PTPRD: variants seen among roughly 807,000 people sequenced by gnomAD.
PTPRD encodes receptor-type tyrosine-protein phosphatase delta.
A neutral mutation model predicts 214.5 loss-of-function variants in PTPRD; 34 were observed. The ratio of observed to expected loss-of-function variants is 0.16; its 90% CI spans 0.12 to 0.21. The LOEUF (loss-of-function observed/expected upper bound fraction) is 0.21, where lower values mean the gene tolerates loss of function less well. Ranked by LOEUF, PTPRD falls within the 10% of genes least tolerant of loss-of-function variation. The pLI, the probability that PTPRD is intolerant of heterozygous loss-of-function variation, is 1.00. For missense variants in PTPRD, 2,545 were observed against 2,398.7 expected (o/e 1.06, Z -1.27); for synonymous variants, 1,128 against 845.7 (o/e 1.33, Z -5.79).
intron 8 of PTPRD, among the ~76,000 whole-genome samples, chr9:9,570,137 G>A (rs2085915973): frequency 6.6e-6 from 1 of 151,464 alleles, no homozygotes; most frequent in African/African-American, 2.4e-5. Flanking sequence ...TGCATGCAGT[G>A]ATCTCAAATT....
intron 8 of PTPRD, among the ~76,000 whole-genome samples, chr9:9,541,477 C>G (rs1381504622): frequency 6.6e-6 from 1 of 151,808 alleles, no homozygotes; most frequent in Non-Finnish European, 1.5e-5. Context: ...CAACAAATAT[C>G]ATGTAGAGCA....
intron 14 of PTPRD, among the ~76,000 whole-genome samples, chr9:8,616,161 A>G (rs1450467460): frequency 1.3e-5 from 2 of 152,124 alleles, no homozygotes; most frequent in Non-Finnish European, 2.9e-5. Flanking sequence ...TCATATCCTG[A>G]CTTTCTAACC....
chr9:10,529,834 C>T (rs1485817790), intron 2 of PTPRD, among the ~76,000 whole-genome samples: 1 of 151,676 alleles, frequency 6.6e-6, no homozygotes, highest in African/African-American at 2.4e-5. Flanking sequence ...TGTTCTCACT[C>T]ATAAGTGGGA....
intron 4 of PTPRD, among the ~76,000 whole-genome samples, chr9:10,013,348 T>C (rs1019193110): frequency 1.3e-5 from 2 of 151,986 alleles, no homozygotes; most frequent in African/African-American, 4.8e-5. Flanking sequence ...TATTCAAATG[T>C]AAATTTAAGT....
intron 5 of PTPRD, among the ~76,000 whole-genome samples, chr9:9,837,866 C>G (rs1452524094): frequency 6.6e-6 from 1 of 152,126 alleles, no homozygotes; most frequent in Non-Finnish European, 1.5e-5. Context: ...GCGCTGCACC[C>G]ATTAACTCGT....
intron 2 of PTPRD, among the ~76,000 whole-genome samples, chr9:10,561,944 A>G (rs147324467): frequency 6.2e-4 from 94 of 152,294 alleles, no homozygotes; most frequent in African/African-American, 2.1e-3. Flanking sequence ...AATGCCACAG[A>G]ATGCCTTTAA....
intron 7 of PTPRD, among the ~76,000 whole-genome samples, chr9:9,656,316 C>A (rs906894626): frequency 6.6e-6 from 1 of 152,102 alleles, no homozygotes; most frequent in Non-Finnish European, 1.5e-5. Context: ...TACACAGATG[C>A]TTAGGGGAGC....
chr9:10,135,816 A>G (rs2098938570), intron 3 of PTPRD, among the ~76,000 whole-genome samples: 1 of 152,004 alleles, frequency 6.6e-6, no homozygotes, highest in South Asian at 2.1e-4. Flanking sequence ...AAGCAACTAC[A>G]CAATTAAGTC....
chr9:9,075,963 C>G (rs1048078013), intron 10 of PTPRD, among the ~76,000 whole-genome samples: 6 of 152,268 alleles, frequency 3.9e-5, no homozygotes, highest in African/African-American at 1.4e-4. Context: ...ATGTCTAGTT[C>G]TAGATCCTAG....
intron 11 of PTPRD, among the ~76,000 whole-genome samples, chr9:8,940,446 C>CTTTTTTT (rs34288443): frequency 4.1e-4 from 39 of 95,010 alleles, no homozygotes; most frequent in Admixed American, 6.7e-4. Context: ...CCACTCCCAG[C>CTTTTTTT]TTTTTTTTTT....
At chr9:10,481,057 C>G (rs2099094361) in intron 2 of PTPRD, among the ~76,000 whole-genome samples, 2 of 149,180 alleles carry the variant, frequency 1.3e-5, no homozygotes, top group South Asian at 4.2e-4. Context: ...TTAAACAGTT[C>G]TGTTTGTTAT....
intron 9 of PTPRD, among the ~76,000 whole-genome samples, chr9:9,190,202 G>C (rs771312669): frequency 1.3e-5 from 2 of 152,150 alleles, no homozygotes; most frequent in Non-Finnish European, 2.9e-5. Context: ...AATTGTGGGA[G>C]TTGGTTAGTT....
chr9:10,580,936 T>C (rs774838391), intron 2 of PTPRD, among the ~76,000 whole-genome samples: 3 of 152,168 alleles, frequency 2.0e-5, no homozygotes, highest in Admixed American at 6.5e-5. Flanking sequence ...TCCTCAAATA[T>C]AGGAAATGTT....
chr9:9,991,862 ACACACAC>A (rs2095944247), intron 4 of PTPRD, among the ~76,000 whole-genome samples: 1 of 148,056 alleles, frequency 6.8e-6, no homozygotes. Flanking sequence ...ACACACACAC[ACACACAC>A]GAGTTCCAAA....
intron 9 of PTPRD, among the ~76,000 whole-genome samples, chr9:9,314,008 G>C (rs1277030369): frequency 6.6e-6 from 1 of 152,082 alleles, no homozygotes; most frequent in Non-Finnish European, 1.5e-5. Flanking sequence ...AGTTAAATGA[G>C]CAAAGAAGCT....
At chr9:9,119,307 AACAAAAAAATGAGCCTTCCTTCCAATGTC>A (rs2099815346) in intron 10 of PTPRD, among the ~76,000 whole-genome samples, 2 of 152,212 alleles carry the variant, frequency 1.3e-5, no homozygotes, top group Non-Finnish European at 2.9e-5. Context: ...TTTTAACAAT[AACAAAAAAATGAGCCTTCCTTCCAATGTC>A]TCAGAAATCT....
At chr9:8,816,135 T>A (rs1373001409) in intron 11 of PTPRD, among the ~76,000 whole-genome samples, 1 of 152,192 alleles carries the variant, frequency 6.6e-6, no homozygotes, top group African/African-American at 2.4e-5. Context: ...CTCAAAACAG[T>A]AACATCATTC....
chr9:8,821,735 G>T (rs1376391938), intron 11 of PTPRD, among the ~76,000 whole-genome samples: 6 of 152,108 alleles, frequency 3.9e-5, no homozygotes, highest in African/African-American at 1.4e-4. Context: ...GCACAATCTC[G>T]GCTCACGGCA....
intron 2 of PTPRD, among the ~76,000 whole-genome samples, chr9:10,453,650 A>G (rs1211348022): frequency 6.6e-6 from 1 of 151,656 alleles, no homozygotes; most frequent in Admixed American, 6.6e-5. Flanking sequence ...GTTGATTTAG[A>G]ATCCTGCAAC....
Sources: allele counts gnomAD v4.1 joint callset (sites outside exome capture counted in the v4.1 genomes callset), GRCh38; gene constraint gnomAD v4.1.1; transcripts MANE v1.5; gene names NCBI Gene and HGNC (gene_info 2026-07-23, HGNC 2026-07-21).